The following NUDT1 variants were observed in gnomAD, a reference collection of about 807,000 sequenced individuals.
The protein encoded by NUDT1 is nudix hydrolase 1.
In NUDT1, 16 loss-of-function variants were observed where a neutral mutation model predicts 11.3. That is an observed-to-expected ratio of 1.41 (90% confidence interval 0.96 to 2.15). The LOEUF is 2.15. Ranked by LOEUF, NUDT1 falls within the 30% of genes most tolerant of loss-of-function variation. NUDT1 has a pLI of 0.00. For synonymous variants in NUDT1, 101 were observed against 84.4 expected (o/e 1.20, Z -1.08); for missense variants, 234 against 208.4 (o/e 1.12, Z -0.76).
chr7:2,250,107 C>T (rs1794927014), intron 3 of NUDT1, 105 bp downstream of exon 3: 3 of 1,441,014 alleles, frequency 2.1e-6, no homozygotes, highest in Non-Finnish European at 2.8e-6. Context: ...AGGGACCGGG[C>T]AGCCTGCGTC....
intron 3 of NUDT1, 100 bp from the exon 4 acceptor site, chr7:2,250,729 A>T: frequency 8.7e-7 from 1 of 1,145,926 alleles, no homozygotes; most frequent in Non-Finnish European, 1.3e-6. Context: ...AAGTGCTGGG[A>T]TTACAGGCGT....
At position 2,247,248 on chromosome 7, in the gene NUDT1, G is replaced by A. The variant is rs560350789; in HGVS notation, c.152+2522G>A. On this transcript the variant is annotated intron_variant, in intron 2 of 3. Transcript: ENST00000356714. ...TCCTGCTTTATCCACGCAATACCCA[G>A]TCCTATTCTATCAGGAGGACCCCAA... 2.6e-5 allele frequency among the ~76,000 whole-genome samples: 4 copies of A among 152,242 alleles called. No homozygotes were observed. The South Asian group carries it at 8.3e-4, about 32-fold the overall frequency.
At chr7:2,250,688 G>A in intron 3 of NUDT1, 141 bp from the exon 4 acceptor site, 1 of 587,766 alleles carries the variant, frequency 1.7e-6, no homozygotes, top group Non-Finnish European at 3.1e-6. Context: ...TCGATCTCCT[G>A]ACCTCGTGAT....
At chr7:2,247,464 G>A (rs1256645238) in intron 2 of NUDT1, among the ~76,000 whole-genome samples, 2 of 152,104 alleles carry the variant, frequency 1.3e-5, no homozygotes, top group Non-Finnish European at 2.9e-5. Flanking sequence ...CGCACAGTGT[G>A]AGCCGACCTT....
chr7:2,246,303 A>C (rs1313814383), intron 2 of NUDT1, among the ~76,000 whole-genome samples: 1 of 152,156 alleles, frequency 6.6e-6, no homozygotes, highest in Non-Finnish European at 1.5e-5. Flanking sequence ...CTGCAGAAGG[A>C]GGTCTGGTCC....
chr7:2,249,150 C>T (rs767992145), intron 2 of NUDT1: 1 of 152,690 alleles, frequency 6.5e-6, no homozygotes, highest in African/African-American at 2.4e-5. Flanking sequence ...CAGCCCCTTA[C>T]ACCTCCTCCA....
intron 3 of NUDT1, among the ~76,000 whole-genome samples, 155 bp downstream of exon 3, chr7:2,250,157 G>A (rs1354605856): frequency 2.0e-5 from 3 of 152,228 alleles, no homozygotes; most frequent in Admixed American, 2.0e-4. Context: ...CCCATGAGCC[G>A]TGGTCTCTGC....
chr7:2,246,600 T>A (rs2115058177), intron 2 of NUDT1, among the ~76,000 whole-genome samples: 1 of 152,324 alleles, frequency 6.6e-6, no homozygotes, highest in South Asian at 2.1e-4. Flanking sequence ...TCGGCAGCCC[T>A]GCTTTATTTT....
intron 2 of NUDT1, among the ~76,000 whole-genome samples, chr7:2,245,652 G>C (rs1050711436): frequency 6.6e-6 from 1 of 152,008 alleles, no homozygotes; most frequent in African/African-American, 2.4e-5. Flanking sequence ...TCAAACTCTT[G>C]GGCTCAAACG....
At chr7:2,243,419 A>T (rs1022210298) in intron 1 of NUDT1, among the ~76,000 whole-genome samples, 4 of 152,130 alleles carry the variant, frequency 2.6e-5, no homozygotes, top group Non-Finnish European at 5.9e-5. Context: ...CAGACACCAC[A>T]ACTTCCAAGA....
intron 1 of NUDT1, 143 bp downstream of exon 1, chr7:2,242,399 A>T: frequency 2.2e-6 from 1 of 465,070 alleles, no homozygotes; most frequent in Non-Finnish European, 3.9e-6. Context: ...CCAGAAGAGC[A>T]GGGTCGGGGG....
rs768679763 is a variant in NUDT1, at chr7:2,250,011, C to T, written c.298+9C>T. 2.8e-5 allele frequency: 45 copies of T among 1,613,598 alleles called. No individual in the cohort carries two copies. The highest frequency in any genetic ancestry group is 3.8e-5 in the Non-Finnish European group (45 of 1,179,956). ...CCCCGTGGAGAGCGACGGTGAGTCT[C>T]ACAGGGCCTGCTCCCCCTCCCCACT... On this transcript the variant is annotated intron_variant, in intron 3 of 3. Transcript: ENST00000356714.
At chr7:2,244,377 A>T (rs1794680351) in intron 1 of NUDT1, 186 bp from the exon 2 acceptor site, 5 of 560,208 alleles carry the variant, frequency 8.9e-6, no homozygotes, top group Admixed American at 3.4e-5. Flanking sequence ...TACCCCAGAA[A>T]ATCACTGGTT....
intron 3 of NUDT1, 28 bp downstream of exon 3, chr7:2,250,030 C>G: frequency 6.2e-7 from 1 of 1,612,274 alleles, no homozygotes; most frequent in Non-Finnish European, 8.5e-7. Flanking sequence ...TGCTCCCCCT[C>G]CCCACTATGC....
chr7:2,250,898 G>A lies in NUDT1; in HGVS notation c.368G>A (p.Trp123Ter), dbSNP rs754832477. 6.2e-7 allele frequency: 1 copy of A among 1,614,164 alleles called. No individual in the cohort carries two copies. Among genetic ancestry groups the A allele is most frequent in the Non-Finnish European group, 8.5e-7 (1 of 1,180,028 alleles). Residue 123 changes from tryptophan (W) to a stop codon, truncating the protein, a stop_gained, in exon 4 of 4, where the codon TGG (tryptophan) becomes TAG (stop). Transcript: ENST00000356714. LOFTEE classifies it high-confidence loss of function. Reference protein sequence around the residue: ...FKDMWPDDSYWFPLLLQKKKF... With the variant: ...FKDMWPDDSY Reference sequence around the variant, plus strand: ...GACATGTGGCCCGACGACAGCTACTGGTTTCCACTCCTGCTTCAGAAGAAG... The same window carrying A: ...GACATGTGGCCCGACGACAGCTACTAGTTTCCACTCCTGCTTCAGAAGAAG...
At position 2,249,887 on chromosome 7, in the gene NUDT1, G is replaced by A; in HGVS notation, c.183G>A (p.Val61=). The A allele has an allele frequency of 6.2e-7, 1 of 1,614,066 alleles. No homozygotes were observed. Among genetic ancestry groups the A allele is most frequent in the Non-Finnish European group, 8.5e-7 (1 of 1,180,034 alleles). Residue 61 remains valine, a synonymous_variant, in exon 3 of 4, where the codon GTG becomes GTA. Transcript: ENST00000356714. ...RELQEESGLT[V]DALHKVGQIV... ...TGCAGGAGGAGAGCGGTCTGACAGT[G>A]GACGCCCTGCACAAGGTGGGCCAGA...
chr7:2,249,487 C>T (rs1794894227), intron 2 of NUDT1: 1 of 363,818 alleles, frequency 2.7e-6, no homozygotes, highest in Non-Finnish European at 5.3e-6. Context: ...TGGGGTCAGT[C>T]CCAACCCTGC....
chr7:2,242,552 G>A lies in NUDT1; in HGVS notation c.-13+296G>A, dbSNP rs760178433. ...TCTGGCAGAAACAGATCAGTGTCGG[G>A]ACAAAGTACACGGGCCTGGTGTGAA... On this transcript the variant is annotated intron_variant, in intron 1 of 3. Transcript: ENST00000356714. 13 of 365,092 alleles carry A rather than the reference G, an allele frequency of 3.6e-5. No individual in the cohort carries two copies. The East Asian group carries it at 6.4e-4, about 18-fold the overall frequency. 22.6% of individuals were successfully genotyped at this position (365,092 alleles called of 1,614,324 possible). A position where few individuals can be genotyped will look rare whatever the true frequency, so the allele number is the denominator to read the frequency against.
Position 2,251,126 on chromosome 7 carries a change from A to C in NUDT1, c.*125A>C. 1 of 1,024,414 alleles carries C rather than the reference A, an allele frequency of 9.8e-7. No homozygotes were observed. The highest frequency in any genetic ancestry group is 1.5e-6 in the Non-Finnish European group (1 of 670,942). 63.5% of individuals were successfully genotyped at this position (1,024,414 alleles called of 1,614,324 possible). On this transcript the variant is annotated 3_prime_UTR_variant, in exon 4 of 4. Coordinates refer to ENST00000356714, the MANE Select transcript of NUDT1 (RefSeq NM_002452.4). ...CTGGAATTAACTGGATGGAAGGGAA[A>C]ATAAAGCTATCTAGCGGTGGTTTTT... is the stretch of plus-strand genomic sequence containing the variant.
Sources: allele counts gnomAD v4.1 joint callset (sites outside exome capture counted in the v4.1 genomes callset), GRCh38; gene constraint gnomAD v4.1.1; transcripts MANE v1.5; gene names NCBI Gene and HGNC (gene_info 2026-07-23, HGNC 2026-07-21).